The following LRRC69 variants were observed in gnomAD, a reference collection of about 807,000 sequenced individuals.
LRRC69 encodes leucine-rich repeat-containing protein 69.
Under a neutral mutation model 37.8 loss-of-function variants are expected in LRRC69, and 42 were observed. The observed-to-expected ratio is 1.11, with a 90% CI of 0.87 to 1.44. The LOEUF (loss-of-function observed/expected upper bound fraction) is 1.44, where lower values mean the gene tolerates loss of function less well. LRRC69 is among the 40% of genes most tolerant of loss of function. The pLI, the probability that LRRC69 is intolerant of heterozygous loss-of-function variation, is 0.00. For missense variants in LRRC69, 357 were observed against 401.9 expected (o/e 0.89, Z 0.96); for synonymous variants, 141 against 143.1 (o/e 0.99, Z 0.11).
At chr8:91,215,004 CT>C (rs1359402123) in intron 7 of LRRC69, among the ~76,000 whole-genome samples, 2 of 151,996 alleles carry the variant, frequency 1.3e-5, no homozygotes, top group African/African-American at 4.8e-5. Flanking sequence ...TCAGTATTGG[CT>C]GATCTAGGCC....
chr8:91,186,262 A>C (rs1809406081), intron 5 of LRRC69, among the ~76,000 whole-genome samples: 1 of 152,214 alleles, frequency 6.6e-6, no homozygotes, highest in Admixed American at 6.5e-5. Flanking sequence ...CCAAAGCCTG[A>C]TAGATGAAGA....
intron 7 of LRRC69, 120 bp downstream of exon 7, chr8:91,200,912 G>A (rs1486486051): frequency 3.4e-6 from 3 of 894,744 alleles, no homozygotes; most frequent in East Asian, 6.6e-5. Flanking sequence ...ATAGTATACT[G>A]TAAATTTTGG....
rs74371847 is a variant in LRRC69 at position 91,136,452 on chromosome 8, G to T, written c.651+713G>T. ...GAAGGTAATTCAAATATAAAAAAAT[G>T]AGTGTAAAGTCTATGTTTTAGAAAA... On this transcript the variant is annotated intron_variant, in intron 5 of 7. Coordinates refer to ENST00000448384, the Ensembl canonical transcript of LRRC69. 3.9e-3 allele frequency among the ~76,000 whole-genome samples: 586 copies of T among 152,018 alleles called. 34 individuals are homozygous for T. The East Asian group carries it at 0.11, about 28-fold the overall frequency.
rs561298326 is a variant in LRRC69, at chr8:91,104,289, C to A, written c.183+1445C>A. On this transcript the variant is annotated intron_variant, in intron 1 of 7. Coordinates refer to ENST00000448384, the Ensembl canonical transcript of LRRC69. ...CCTTCAGCTGTCCTTTCCTCTCCCC[C>A]CTCACAAACTCTGAAGTTTTTACTT... Among the ~76,000 whole-genome samples the A allele has an allele frequency of 6.6e-5, 10 of 152,058 alleles. No individual in the cohort carries two copies. In the South Asian group the frequency reaches 1.9e-3, roughly 28 times the overall value.
At chr8:91,176,134 A>ATTTTTTTTTTTTT (rs771986461) in intron 5 of LRRC69, among the ~76,000 whole-genome samples, 49 of 75,696 alleles carry the variant, frequency 6.5e-4, no homozygotes, top group African/African-American at 2.4e-3. Flanking sequence ...ATATATATAT[A>ATTTTTTTTTTTTT]TTTTTTTTTT....
chr8:91,128,785 A>G (rs537850929), intron 3 of LRRC69, among the ~76,000 whole-genome samples: 2 of 151,902 alleles, frequency 1.3e-5, no homozygotes, highest in South Asian at 4.2e-4. Flanking sequence ...CCCTTTGTTC[A>G]CTGATTTCCA....
chr8:91,127,710 G>T (rs2130507295), intron 3 of LRRC69, among the ~76,000 whole-genome samples: 1 of 150,202 alleles, frequency 6.7e-6, no homozygotes, highest in Admixed American at 6.6e-5. Flanking sequence ...CCTTCTGTAG[G>T]CAAAACACGC....
intron 1 of LRRC69, among the ~76,000 whole-genome samples, chr8:91,104,453 A>G (rs972275069): frequency 2.0e-5 from 3 of 151,942 alleles, no homozygotes; most frequent in Admixed American, 2.0e-4. Flanking sequence ...TTAATCTATG[A>G]TTATATTTTC....
At chr8:91,122,541 A>T (rs973742929) in intron 1 of LRRC69, among the ~76,000 whole-genome samples, 5 of 152,074 alleles carry the variant, frequency 3.3e-5, no homozygotes, top group African/African-American at 1.2e-4. Flanking sequence ...TGCTCTAAGT[A>T]GTAAACGGTC....
At chr8:91,202,255 G>C (rs1391043439) in intron 7 of LRRC69, among the ~76,000 whole-genome samples, 7 of 151,896 alleles carry the variant, frequency 4.6e-5, no homozygotes, top group African/African-American at 1.2e-4. Context: ...ACAAACAAAA[G>C]AAAACAAGAG....
chr8:91,151,765 T>C (rs1221442509), intron 5 of LRRC69, among the ~76,000 whole-genome samples: 1 of 151,712 alleles, frequency 6.6e-6, no homozygotes, highest in East Asian at 1.9e-4. Flanking sequence ...CCACCAACAG[T>C]GTAAAAGTGT....
intron 7 of LRRC69, among the ~76,000 whole-genome samples, chr8:91,213,560 G>C (rs1407311623): frequency 2.0e-5 from 3 of 152,192 alleles, no homozygotes; most frequent in African/African-American, 2.4e-5. Flanking sequence ...AGGAGACCTA[G>C]TCTGTTCCAA....
chr8:91,187,895 T>G (rs1267098212), intron 5 of LRRC69, among the ~76,000 whole-genome samples: 1 of 152,240 alleles, frequency 6.6e-6, no homozygotes, highest in Non-Finnish European at 1.5e-5. Context: ...GTTTTACTTA[T>G]TCCTTCTTTC....
intron 5 of LRRC69, among the ~76,000 whole-genome samples, chr8:91,180,889 A>C (rs1380482192): frequency 6.6e-6 from 1 of 152,192 alleles, no homozygotes; most frequent in Admixed American, 6.5e-5. Flanking sequence ...AATGAAGAAG[A>C]ACAAAATAAC....
intron 5 of LRRC69, among the ~76,000 whole-genome samples, chr8:91,139,401 GC>G (rs1329636889): frequency 2.0e-5 from 3 of 151,914 alleles, no homozygotes; most frequent in African/African-American, 7.2e-5. Flanking sequence ...AATTAGCAGG[GC>G]GTGGTGGCGG....
intron 7 of LRRC69, among the ~76,000 whole-genome samples, chr8:91,214,222 A>T (rs1809994832): frequency 6.6e-6 from 1 of 151,798 alleles, no homozygotes; most frequent in African/African-American, 2.4e-5. Context: ...AGCATGGGAA[A>T]CCTCTGAGGG....
rs1586227657 is a variant in LRRC69 at position 91,117,965 on chromosome 8, G to T, written c.184-6528G>T. Among the ~76,000 whole-genome samples the T allele has an allele frequency of 2.0e-5, 3 of 151,814 alleles. No individual in the cohort carries two copies. In the East Asian group the frequency reaches 5.8e-4, roughly 29 times the overall value. Reference sequence around the variant, plus strand: ...TAAGGGAAAATGGAAAAAATTTAGAGGGAATATGATAGCAATCTTCAAAAA... The same window carrying T: ...TAAGGGAAAATGGAAAAAATTTAGATGGAATATGATAGCAATCTTCAAAAA... On this transcript the variant is annotated intron_variant, in intron 1 of 7. Transcript: ENST00000448384.
exon 1 of LRRC69, chr8:91,102,709 G>A (rs769958216): frequency 6.4e-6 from 10 of 1,551,414 alleles, no homozygotes; most frequent in Non-Finnish European, 8.7e-6. Context: ...GTAAAAATAC[G>A]AAGATCATTA....
chr8:91,144,215 A>T (rs1400469938), intron 5 of LRRC69, among the ~76,000 whole-genome samples: 3 of 151,932 alleles, frequency 2.0e-5, no homozygotes, highest in Admixed American at 6.6e-5. Context: ...AAGCCATGAG[A>T]TCACCTGAAT....
Sources: allele counts gnomAD v4.1 joint callset (sites outside exome capture counted in the v4.1 genomes callset), GRCh38; gene constraint gnomAD v4.1.1; transcripts MANE v1.5; gene names NCBI Gene and HGNC (gene_info 2026-07-23, HGNC 2026-07-21).